CEP44: variants seen among roughly 807,000 people sequenced by gnomAD.
The protein encoded by CEP44 is centrosomal protein 44.
A neutral mutation model predicts 46.7 loss-of-function variants in CEP44; 45 were observed. That is an observed-to-expected ratio of 0.96 (90% confidence interval 0.76 to 1.24). The LOEUF (loss-of-function observed/expected upper bound fraction) is 1.24. Among genes scored for constraint, CEP44 ranks in the 50% most tolerant of loss-of-function variants. The pLI is 0.00. For missense variants in CEP44, 475 were observed against 459.7 expected (o/e 1.03, Z -0.30); for synonymous variants, 142 against 146.0 (o/e 0.97, Z 0.20).
intron 4 of CEP44, 152 bp from the exon 5 acceptor site, chr4:174,303,551 C>T (rs188132823): frequency 1.7e-3 from 777 of 451,624 alleles, no homozygotes; most frequent in Admixed American, 3.8e-3. Context: ...AACACCAGCC[C>T]TATGAATTAC....
At chr4:174,289,427 TG>T (rs565609252) in intron 1 of CEP44, among the ~76,000 whole-genome samples, 163 of 152,146 alleles carry the variant, frequency 1.1e-3, no homozygotes, top group Non-Finnish European at 2.1e-3. Flanking sequence ...TCTCCTTTTT[TG>T]TTATTTGTCT....
At chr4:174,304,199 A>C in intron 5 of CEP44, 48 bp from the exon 6 acceptor site, 1 of 1,543,938 alleles carries the variant, frequency 6.5e-7, no homozygotes, top group Non-Finnish European at 8.7e-7. Context: ...ATATATAATT[A>C]TGCTTTCACA....
intron 1 of CEP44, among the ~76,000 whole-genome samples, chr4:174,294,693 C>G (rs1288287093): frequency 2.0e-5 from 3 of 149,128 alleles, no homozygotes; most frequent in Non-Finnish European, 3.0e-5. Flanking sequence ...TACCTCCCTC[C>G]CGGAAGGGGT....
chr4:174,306,274 G>A (rs1455163164), intron 6 of CEP44, among the ~76,000 whole-genome samples: 1 of 151,952 alleles, frequency 6.6e-6, no homozygotes, highest in South Asian at 2.1e-4. Flanking sequence ...GTTAGCTGAA[G>A]GTCTAATAAA....
chr4:174,301,858 C>T lies in CEP44; in HGVS notation c.90-181C>T, dbSNP rs537295464. ...ACAGTGGTATTTCATAGTAGTCTGG[C>T]TAGACTGGTTTCAAATGGGGAATGG... On this transcript the variant is annotated intron_variant, in intron 3 of 11. Transcript: ENST00000503780. The surrounding 1 kb of genome is among the most constrained non-coding windows in gnomAD (Gnocchi z 4.3). Among the ~76,000 whole-genome samples, 3 of 152,124 alleles carry T rather than the reference C, an allele frequency of 2.0e-5. No individual in the cohort carries two copies. The East Asian group carries it at 5.8e-4, about 29-fold the overall frequency.
chr4:174,323,059 A>G (rs1742424052), downstream of CEP44, among the ~76,000 whole-genome samples: 1 of 152,060 alleles, frequency 6.6e-6, no homozygotes. Context: ...TTTAGAGAAA[A>G]TGATATTTCT....
At chr4:174,291,972 G>A (rs1738287630) in intron 1 of CEP44, among the ~76,000 whole-genome samples, 1 of 150,848 alleles carries the variant, frequency 6.6e-6, no homozygotes. Context: ...TGTATTTTTT[G>A]TAGAGACAAG....
At position 174,318,522 on chromosome 4, in the gene CEP44, CT is replaced by C. The variant is rs1741987453; in HGVS notation, c.*1146del. The stretch of plus-strand genomic sequence containing the variant: ...TTAATATTACTACTATATGAATTAT[CT>C]TTTTTTAAACTTGTAGATAAAAGTG... On this transcript the variant is annotated 3_prime_UTR_variant, in exon 12 of 12. Coordinates refer to ENST00000503780, the MANE Select transcript of CEP44 (RefSeq NM_001040157.3). The C allele has an allele frequency of 2.3e-6, 2 of 882,262 alleles. No individual in the cohort carries two copies. Among genetic ancestry groups the C allele is most frequent in the Non-Finnish European group, 2.7e-6 (2 of 736,470 alleles). 54.7% of individuals were successfully genotyped at this position (882,262 alleles called of 1,614,324 possible).
In CEP44 at chr4:174,290,574, T is replaced by C. The variant is rs1249140182; in HGVS notation, c.-148+6631T>C. On this transcript the variant is annotated intron_variant, in intron 1 of 11. Transcript: ENST00000503780. The surrounding 1 kb of genome is among the most constrained non-coding windows in gnomAD (Gnocchi z 4.3). ...TAGGTCTTTGGTCTATAGTGTTGTA[T>C]AGTTTGCAATTTACTTGTTGGTATT... is the stretch of plus-strand genomic sequence containing the variant. Among the ~76,000 whole-genome samples the C allele has an allele frequency of 6.6e-6, 1 of 152,082 alleles. No homozygotes were observed. Among genetic ancestry groups the C allele is most frequent in the African/African-American group, 2.4e-5 (1 of 41,448 alleles).
chr4:174,301,951 C>T lies in CEP44; in HGVS notation c.90-88C>T, dbSNP rs955205583. On this transcript the variant is annotated intron_variant, in intron 3 of 11. Coordinates refer to ENST00000503780, the MANE Select transcript of CEP44 (RefSeq NM_001040157.3). The surrounding 1 kb of genome is among the most constrained non-coding windows in gnomAD (Gnocchi z 4.3). ...GTGTTAAGTTTTAAATTATTATAAA[C>T]ATTTCTAATATTTTCTTGATTATCC... 5 of 1,128,140 alleles carry T rather than the reference C, an allele frequency of 4.4e-6. No individual in the cohort carries two copies. In the African/African-American group the frequency reaches 6.4e-5, roughly 14 times the overall value. The allele number at this position is 1,128,140 out of a possible 1,614,324, so 69.9% of individuals were successfully genotyped here. A position where few individuals can be genotyped will look rare whatever the true frequency, so the allele number is the denominator to read the frequency against.
At chr4:174,324,072 C>T (rs534906025), downstream of CEP44, among the ~76,000 whole-genome samples, 4 of 152,262 alleles carry the variant, frequency 2.6e-5, no homozygotes, top group African/African-American at 9.6e-5. Context: ...CTGGGTTTCA[C>T]CTTGTCCTTC....
Position 174,318,954 on chromosome 4 carries a change from C to A in CEP44, c.*1571C>A. On this transcript the variant is annotated 3_prime_UTR_variant, in exon 12 of 12. Transcript: ENST00000503780. ...CCTCCTGAGTAGCTGGGACTATAGG[C>A]CTGTACCGTCATGCCTGGCTAATTT... 1 of 231,608 alleles carries A rather than the reference C, an allele frequency of 4.3e-6. No homozygotes were observed. Among genetic ancestry groups the A allele is most frequent in the Non-Finnish European group, 7.1e-6 (1 of 141,008 alleles). 14.3% of individuals were successfully genotyped at this position (231,608 alleles called of 1,614,324 possible). A position where few individuals can be genotyped will look rare whatever the true frequency, so the allele number is the denominator to read the frequency against.
chr4:174,283,933 G>T lies in CEP44; in HGVS notation c.-158G>T. ...CACAGAGAAGCTCCCAGCTTTGAAG[G>T]TCTTGCGGTGGTGCGTGGCGGGCAG... On this transcript the variant is annotated 5_prime_UTR_variant, in exon 1 of 12. Coordinates refer to ENST00000503780, the MANE Select transcript of CEP44 (RefSeq NM_001040157.3). This position sits in a 1 kb window ranked among gnomAD's most constrained non-coding sequence, Gnocchi z 6.7. 2.5e-6 allele frequency: 1 copy of T among 399,138 alleles called. No homozygotes were observed. Among genetic ancestry groups the T allele is most frequent in the East Asian group, 3.6e-5 (1 of 28,086 alleles). 24.7% of individuals were successfully genotyped at this position (399,138 alleles called of 1,614,324 possible).
chr4:174,325,372 A>G lies in CEP44; in HGVS notation c.1087-6110A>G, dbSNP rs1305447662. On this transcript the variant is annotated intron_variant, in intron 8 of 8. Coordinates refer to the CEP44 transcript ENST00000426172. This position sits in a 1 kb window ranked among gnomAD's most constrained non-coding sequence, Gnocchi z 4.4. ...TTATTCATCACTGAGAGAGGGGTGT[A>G]GCCATGTACAGTCACTCATGCCTGT... Among the ~76,000 whole-genome samples, 1 of 152,108 alleles carries G rather than the reference A, an allele frequency of 6.6e-6. No individual in the cohort carries two copies. The highest frequency in any genetic ancestry group is 1.9e-4 in the East Asian group (1 of 5,190).
At chr4:174,283,834 G>A (rs185012802), upstream of CEP44, 21 of 398,822 alleles carry the variant, frequency 5.3e-5, no homozygotes, top group South Asian at 8.9e-4. This position sits in a 1 kb window ranked among gnomAD's most constrained non-coding sequence, Gnocchi z 6.7. Flanking sequence ...TGGCCATTGA[G>A]GAGGCTCTCA....
At chr4:174,298,925 A>T (rs2080960207) in intron 2 of CEP44, 147 bp from the exon 3 acceptor site, 1 of 522,430 alleles carries the variant, frequency 1.9e-6, no homozygotes, top group African/African-American at 1.9e-5. Context: ...ACAAAGTAGA[A>T]CTTGAGTAGT....
In CEP44 at chr4:174,329,768, A is replaced by T. The variant is rs958758679; in HGVS notation, c.1087-1714A>T. Reference sequence around the variant, plus strand: ...ATGAATATATGTTAACCTTCAGGCTATCATCATTCTTTCTCAAGATAGATT... The same window carrying T: ...ATGAATATATGTTAACCTTCAGGCTTTCATCATTCTTTCTCAAGATAGATT... On this transcript the variant is annotated intron_variant, in intron 8 of 8. Transcript: ENST00000426172. The surrounding 1 kb of genome is among the most constrained non-coding windows in gnomAD (Gnocchi z 4.0). 6.6e-6 allele frequency among the ~76,000 whole-genome samples: 1 copy of T among 152,156 alleles called. No homozygotes were observed. The highest frequency in any genetic ancestry group is 1.5e-5 in the Non-Finnish European group (1 of 68,020).
Position 174,331,392 on chromosome 4 carries a change from G to T in CEP44, c.1087-90G>T, listed in dbSNP as rs1731312656. 4 of 1,328,092 alleles carry T rather than the reference G, an allele frequency of 3.0e-6. No individual in the cohort carries two copies. In the East Asian group the frequency reaches 1.0e-4, roughly 35 times the overall value. 82.3% of individuals were successfully genotyped at this position (1,328,092 alleles called of 1,614,324 possible). A position where few individuals can be genotyped will look rare whatever the true frequency, so the allele number is the denominator to read the frequency against. On this transcript the variant is annotated intron_variant, in intron 8 of 8. Coordinates refer to the CEP44 transcript ENST00000426172. The surrounding 1 kb of genome is among the most constrained non-coding windows in gnomAD (Gnocchi z 4.5). ...TATGGAAGAGGAGGAAATATTAATA[G>T]CACTCTGACACTGCTCTAATTCCTA... is the stretch of plus-strand genomic sequence containing the variant.
rs1267164190 is a variant in CEP44 at position 174,326,658 on chromosome 4, G to T, written c.1087-4824G>T. Among the ~76,000 whole-genome samples the T allele has an allele frequency of 1.3e-5, 2 of 151,918 alleles. No individual in the cohort carries two copies. Among genetic ancestry groups the T allele is most frequent in the African/African-American group, 2.4e-5 (1 of 41,404 alleles). On this transcript the variant is annotated intron_variant, in intron 8 of 8. Coordinates refer to the CEP44 transcript ENST00000426172. This position sits in a 1 kb window ranked among gnomAD's most constrained non-coding sequence, Gnocchi z 4.8. ...ATATAATTTTCCTTCTGCCTGAAGG[G>T]TTTCCTTTAACTTTTCTTGTAATAC... is the stretch of plus-strand genomic sequence containing the variant.
Sources: allele counts gnomAD v4.1 joint callset (sites outside exome capture counted in the v4.1 genomes callset), GRCh38; gene constraint gnomAD v4.1.1; non-coding constraint Gnocchi (gnomAD v3.1); transcripts MANE v1.5; gene names NCBI Gene and HGNC (gene_info 2026-07-23, HGNC 2026-07-21).